The following COL23A1 variants were observed in gnomAD, a reference collection of about 807,000 sequenced individuals.
COL23A1 encodes collagen alpha-1(XXIII) chain.
Under a neutral mutation model 99.3 loss-of-function variants are expected in COL23A1, and 97 were observed. That is an observed-to-expected ratio of 0.98 (90% confidence interval 0.83 to 1.16). COL23A1 has a LOEUF of 1.16. COL23A1 is among the 50% of genes most tolerant of loss of function. The pLI is 0.00. For synonymous variants in COL23A1, 320 were observed against 308.2 expected, an observed-to-expected ratio of 1.04 and a Z score of -0.40; for missense variants, 762 against 757.4, an observed-to-expected ratio of 1.01 and a Z score of -0.07.
At chr5:178,553,613 C>A (rs577000183) in intron 2 of COL23A1, among the ~76,000 whole-genome samples, 3 of 152,222 alleles carry the variant, frequency 2.0e-5, no homozygotes, top group Admixed American at 1.3e-4. Flanking sequence ...AATGTCCAGG[C>A]AGTTTGAGCC....
At chr5:178,287,610 A>C (rs1757226684) in intron 5 of COL23A1, among the ~76,000 whole-genome samples, 1 of 152,098 alleles carries the variant, frequency 6.6e-6, no homozygotes, top group Non-Finnish European at 1.5e-5. Flanking sequence ...ATCTGTCCCG[A>C]ATCAGCCAGC....
chr5:178,275,146 T>C (rs1756513882), intron 5 of COL23A1, among the ~76,000 whole-genome samples: 1 of 152,228 alleles, frequency 6.6e-6, no homozygotes, highest in Admixed American at 6.5e-5. Flanking sequence ...GAGCCTCAGT[T>C]TCCTCATTTG....
chr5:178,437,875 G>T (rs550724567), intron 2 of COL23A1, among the ~76,000 whole-genome samples: 11 of 152,336 alleles, frequency 7.2e-5, no homozygotes, highest in South Asian at 2.1e-4. Context: ...GGGGCCTGGG[G>T]GGAGGTGGGA....
chr5:178,334,783 G>A (rs958942967), intron 2 of COL23A1, among the ~76,000 whole-genome samples: 5 of 152,174 alleles, frequency 3.3e-5, no homozygotes, highest in South Asian at 2.1e-4. Flanking sequence ...TGTCTCACAC[G>A]TTTCCGCCAA....
At chr5:178,239,026 G>T (rs1208409227) in intron 28 of COL23A1, 115 bp downstream of exon 28, 1 of 1,205,650 alleles carries the variant, frequency 8.3e-7, no homozygotes, top group African/African-American at 1.5e-5. Flanking sequence ...CACTGTGCGA[G>T]AAGCCGCAGA....
chr5:178,345,665 C>T lies in COL23A1; in HGVS notation c.362-38746G>A, dbSNP rs368517168. Among the ~76,000 whole-genome samples, 8 of 151,606 alleles carry T rather than the reference C, an allele frequency of 5.3e-5. No homozygotes were observed. In the East Asian group the frequency reaches 7.8e-4, roughly 15 times the overall value. On this transcript the variant is annotated intron_variant, in intron 2 of 28. Transcript: ENST00000390654. Reference sequence around the variant, plus strand: ...CCGAGTAGCTGGGACTACAGGTGCCCGCCACCACGCCCGGCTAATTTTTTG... The same window carrying T: ...CCGAGTAGCTGGGACTACAGGTGCCTGCCACCACGCCCGGCTAATTTTTTG...
At chr5:178,290,480 C>T in intron 3 of COL23A1, 111 bp from the exon 4 acceptor site, 4 of 1,404,666 alleles carry the variant, frequency 2.8e-6, no homozygotes, top group Non-Finnish European at 4.0e-6. Context: ...GCCACCTCTC[C>T]CCGGAAGGCT....
chr5:178,306,796 G>T lies in COL23A1; in HGVS notation c.406+79C>A. ...CATGACTCAGGGTGGGCAGCAGGTG[G>T]CCAGGCCCTGCAGTCAGAGCCTGGG... On this transcript the variant is annotated intron_variant, in intron 3 of 28. Transcript: ENST00000390654. The surrounding 1 kb of genome is among the most constrained non-coding windows in gnomAD (Gnocchi z 4.1). The T allele has an allele frequency of 1.8e-6, 2 of 1,092,992 alleles. No homozygotes were observed. The highest frequency in any genetic ancestry group is 2.5e-6 in the Non-Finnish European group (2 of 799,832). 67.7% of individuals were successfully genotyped at this position (1,092,992 alleles called of 1,614,324 possible).
chr5:178,256,324 G>T, intron 15 of COL23A1, 29 bp downstream of exon 15: 1 of 1,569,138 alleles, frequency 6.4e-7, no homozygotes, highest in South Asian at 1.2e-5. Context: ...TCTCATCCCT[G>T]AGGCCTCGCC....
rs988294177 is a variant in COL23A1 at position 178,434,153 on chromosome 5, G to T, written c.361+126529C>A. 1.1e-4 allele frequency among the ~76,000 whole-genome samples: 16 copies of T among 152,206 alleles called. No individual in the cohort carries two copies. Among genetic ancestry groups the T allele is most frequent in the Non-Finnish European group, 1.2e-4 (8 of 68,046 alleles). On this transcript the variant is annotated intron_variant, in intron 2 of 28. Coordinates refer to ENST00000390654, the MANE Select transcript of COL23A1 (RefSeq NM_173465.4). The surrounding 1 kb of genome is among the most constrained non-coding windows in gnomAD (Gnocchi z 4.3). ...CCCTCCCAATGCCTCAGGAAACAGC[G>T]ACTGTCATCTTCTCCACTTTCCAGA...
chr5:178,472,613 T>C (rs1756816763), intron 2 of COL23A1, among the ~76,000 whole-genome samples: 1 of 125,330 alleles, frequency 8.0e-6, no homozygotes, highest in Non-Finnish European at 1.8e-5. Context: ...TTATAATGCA[T>C]CAGTCCTAAT....
intron 2 of COL23A1, among the ~76,000 whole-genome samples, chr5:178,399,843 T>C (rs1764340556): frequency 6.6e-6 from 1 of 152,172 alleles, no homozygotes; most frequent in South Asian, 2.1e-4. Flanking sequence ...TGTACTGACA[T>C]GATTGTTCTC....
At chr5:178,330,210 A>C (rs897488878) in intron 2 of COL23A1, among the ~76,000 whole-genome samples, 1 of 152,184 alleles carries the variant, frequency 6.6e-6, no homozygotes, top group African/African-American at 2.4e-5. Context: ...TCTCCTGCCC[A>C]TTTATGAAGG....
intron 2 of COL23A1, among the ~76,000 whole-genome samples, chr5:178,426,940 T>C (rs920409761): frequency 2.6e-5 from 4 of 152,188 alleles, no homozygotes; most frequent in African/African-American, 9.6e-5. Context: ...CTCACGCCTG[T>C]CATCCTAGCA....
At chr5:178,346,237 G>T (rs1197557197) in intron 2 of COL23A1, among the ~76,000 whole-genome samples, 6 of 151,864 alleles carry the variant, frequency 4.0e-5, no homozygotes, top group African/African-American at 1.5e-4. Flanking sequence ...TTTTGTTGTT[G>T]TTTGTTTGTT....
At chr5:178,312,588 G>A (rs192033351) in intron 2 of COL23A1, among the ~76,000 whole-genome samples, 1 of 86,814 alleles carries the variant, frequency 1.2e-5, no homozygotes, top group East Asian at 3.3e-4. Context: ...CAGCCCTCCC[G>A]GCACCTCCCT....
In COL23A1 at chr5:178,263,255, G is replaced by C. The variant is rs760683422; in HGVS notation, c.592C>G (p.Pro198Ala). Residue 198 changes from proline (P) to alanine (A), a missense_variant, in exon 9 of 29, where the codon CCT becomes GCT. Pro to Ala is a conservative substitution (Grantham distance 27). Transcript: ENST00000390654. The part of the protein sequence containing the change: ...PPGPPGARGP[P>A]GDTGKDGPRG... ...GGGCCATCTTTCCCAGTGTCGCCAGGAGGGCCCCGGGCCCCAGGAGGTCCA... is the reference window on the plus strand; with the variant it reads ...GGGCCATCTTTCCCAGTGTCGCCAGCAGGGCCCCGGGCCCCAGGAGGTCCA... 2.5e-6 allele frequency: 4 copies of C among 1,613,572 alleles called. No homozygotes were observed. The highest frequency in any genetic ancestry group is 3.4e-6 in the Non-Finnish European group (4 of 1,179,888).
At chr5:178,448,357 G>A (rs1228118422) in intron 2 of COL23A1, among the ~76,000 whole-genome samples, 2 of 78,304 alleles carry the variant, frequency 2.6e-5, no homozygotes, top group African/African-American at 1.1e-4. Context: ...GTCGCAGTCC[G>A]TTTTGTTCTG....
intron 2 of COL23A1, among the ~76,000 whole-genome samples, chr5:178,486,770 A>G (rs1409328043): frequency 6.6e-6 from 1 of 152,240 alleles, no homozygotes; most frequent in Non-Finnish European, 1.5e-5. Context: ...CCAAGTGAGT[A>G]GGACCAGTTG....
Sources: gnomAD v4.1 joint callset for allele counts (sites outside exome capture counted in the v4.1 genomes callset) on GRCh38, gnomAD v4.1.1 for gene constraint, Gnocchi (gnomAD v3.1) non-coding constraint, MANE v1.5 for transcripts, NCBI Gene and HGNC (gene_info 2026-07-23, HGNC 2026-07-21) for gene names.